The following METAP1 variants were observed in gnomAD, a reference collection of about 807,000 sequenced individuals.
METAP1 encodes methionyl aminopeptidase 1, also known as methionine aminopeptidase 1.
METAP1 carries 28 observed loss-of-function variants against 53.8 expected under a neutral mutation model. The observed-to-expected ratio is 0.52, with a 90% confidence interval of 0.39 to 0.71. METAP1 has a LOEUF of 0.71. Among genes scored for constraint, METAP1 ranks in the 30% least tolerant of loss-of-function variants. METAP1 has a pLI of 0.00. For missense variants in METAP1, 389 were observed against 479.8 expected, an observed-to-expected ratio of 0.81 and a Z score of 1.77; for synonymous variants, 181 against 165.7, an observed-to-expected ratio of 1.09 and a Z score of -0.71.
chr4:99,059,238 G>T (rs559267241), intron 10 of METAP1, among the ~76,000 whole-genome samples: 1 of 152,308 alleles, frequency 6.6e-6, no homozygotes, highest in Admixed American at 6.5e-5. Context: ...CAAATCTGCA[G>T]GAGAATTTCC....
At chr4:99,019,941 A>T (rs1312491965) in intron 1 of METAP1, among the ~76,000 whole-genome samples, 1 of 152,084 alleles carries the variant, frequency 6.6e-6, no homozygotes, top group Non-Finnish European at 1.5e-5. Context: ...GGCCTTAGTG[A>T]GGTTTTGGGG....
At chr4:99,012,652 GTTTTTTTTT>G (rs78437310) in intron 1 of METAP1, among the ~76,000 whole-genome samples, 5 of 90,386 alleles carry the variant, frequency 5.5e-5, no homozygotes, top group South Asian at 5.6e-4. Flanking sequence ...ATCCCATAAA[GTTTTTTTTT>G]TTTTTTTTTT....
chr4:99,019,024 A>G (rs1353458350), intron 1 of METAP1, among the ~76,000 whole-genome samples: 2 of 152,228 alleles, frequency 1.3e-5, no homozygotes, highest in African/African-American at 2.4e-5. Flanking sequence ...CTTGCAGTCC[A>G]AGACCTAACT....
intron 7 of METAP1, among the ~76,000 whole-genome samples, chr4:99,044,411 A>G (rs1431635422): frequency 6.6e-6 from 1 of 152,192 alleles, no homozygotes; most frequent in Non-Finnish European, 1.5e-5. Flanking sequence ...TAGAATTGCT[A>G]CTGCTTTAGT....
intron 1 of METAP1, chr4:99,025,605 C>CA (rs1724508552): frequency 3.6e-6 from 2 of 555,578 alleles, no homozygotes; most frequent in South Asian, 7.8e-5. Flanking sequence ...GCTTGTAAAC[C>CA]AAAAAAATAA....
At chr4:99,004,476 C>CACACACACAT (rs1040689047) in intron 1 of METAP1, among the ~76,000 whole-genome samples, 1 of 16,888 alleles carries the variant, frequency 5.9e-5, no homozygotes, top group Non-Finnish European at 1.2e-4. Flanking sequence ...CACACACACA[C>CACACACACAT]ACACACATAC....
intron 6 of METAP1, among the ~76,000 whole-genome samples, chr4:99,042,528 TTTG>T (rs1725952348): frequency 6.6e-6 from 1 of 151,986 alleles, no homozygotes; most frequent in Non-Finnish European, 1.5e-5. Flanking sequence ...TAGGAGTTCT[TTTG>T]TTGTTCCACT....
chr4:99,002,201 C>T (rs368819663), intron 1 of METAP1, among the ~76,000 whole-genome samples: 27 of 152,266 alleles, frequency 1.8e-4, no homozygotes, highest in African/African-American at 5.5e-4. Flanking sequence ...CTCATTCCAG[C>T]TCTAGATATT....
At chr4:99,048,038 G>C (rs183373518) in intron 8 of METAP1, among the ~76,000 whole-genome samples, 1 of 152,122 alleles carries the variant, frequency 6.6e-6, no homozygotes. Context: ...CTTTTTGGAC[G>C]TTCCTTTTAC....
intron 1 of METAP1, among the ~76,000 whole-genome samples, chr4:99,027,483 T>A (rs1415209821): frequency 6.6e-6 from 1 of 152,100 alleles, no homozygotes; most frequent in Non-Finnish European, 1.5e-5. Context: ...TGACAGACTT[T>A]AGTCTTTCTT....
At chr4:99,040,025 T>G (rs1725745241) in intron 5 of METAP1, among the ~76,000 whole-genome samples, 2 of 152,170 alleles carry the variant, frequency 1.3e-5, no homozygotes, top group Admixed American at 6.6e-5. Flanking sequence ...TTGTGCCCGG[T>G]TTAGCCATGC....
intron 2 of METAP1, among the ~76,000 whole-genome samples, chr4:99,030,655 T>C (rs1001092619): frequency 1.3e-5 from 2 of 152,212 alleles, no homozygotes; most frequent in African/African-American, 2.4e-5. Flanking sequence ...AGGAAAAGCA[T>C]TGGGGAAACA....
chr4:99,044,192 T>C (rs1726066903), intron 7 of METAP1, among the ~76,000 whole-genome samples: 1 of 152,138 alleles, frequency 6.6e-6, no homozygotes, highest in Non-Finnish European at 1.5e-5. Context: ...CCTCCCAAAG[T>C]CTTGGGATTA....
chr4:99,045,073 G>A, intron 7 of METAP1, 106 bp from the exon 8 acceptor site: 3 of 1,154,024 alleles, frequency 2.6e-6, no homozygotes, highest in Non-Finnish European at 3.7e-6. Context: ...TGAGAATGCA[G>A]AAGTTGTCTT....
chr4:99,034,393 A>AAT (rs1725280136), intron 3 of METAP1, 51 bp downstream of exon 3: 2 of 1,049,526 alleles, frequency 1.9e-6, no homozygotes, highest in Admixed American at 4.0e-5. Flanking sequence ...ATTTTCCAAA[A>AAT]ATGATACTCG....
At chr4:99,026,595 G>C in intron 1 of METAP1, 1 of 985,420 alleles carries the variant, frequency 1.0e-6, no homozygotes, top group Non-Finnish European at 1.2e-6. Context: ...TCATTTGTTA[G>C]AGATGAGGAG....
At chr4:99,026,770 T>A (rs1397112172) in intron 1 of METAP1, 1 of 985,234 alleles carries the variant, frequency 1.0e-6, no homozygotes, top group Non-Finnish European at 1.2e-6. Flanking sequence ...TCTTAGGAGA[T>A]GTGGGAATAT....
chr4:99,020,076 G>A (rs532770817), intron 1 of METAP1, among the ~76,000 whole-genome samples: 36 of 152,222 alleles, frequency 2.4e-4, no homozygotes, highest in South Asian at 1.5e-3. Flanking sequence ...ATCCGCTGCC[G>A]GAATATTTTG....
rs1363666528 is a variant in METAP1, at chr4:99,048,330, A to G, written c.788-403A>G. Among the ~76,000 whole-genome samples, 4 of 152,174 alleles carry G rather than the reference A, an allele frequency of 2.6e-5. No homozygotes were observed. The East Asian group carries it at 7.7e-4, about 29-fold the overall frequency. On this transcript the variant is annotated intron_variant, in intron 8 of 10. Coordinates refer to ENST00000296411, the MANE Select transcript of METAP1 (RefSeq NM_015143.3). ...GTAAGTTGAGGCATGGATGCATAAA[A>G]GTGTTTCAAAAACTTCCTAGCACAA...
Sources: gnomAD v4.1 joint callset for allele counts (sites outside exome capture counted in the v4.1 genomes callset) on GRCh38, gnomAD v4.1.1 for gene constraint, MANE v1.5 for transcripts, NCBI Gene and HGNC (gene_info 2026-07-23, HGNC 2026-07-21) for gene names.